The following SAMD3 variants were observed in gnomAD, a reference collection of about 807,000 sequenced individuals.
SAMD3 encodes sterile alpha motif domain-containing protein 3.
A neutral mutation model predicts 58.5 loss-of-function variants in SAMD3; 63 were observed. The observed-to-expected ratio is 1.08, with a 90% CI of 0.88 to 1.33. The LOEUF is 1.33. SAMD3 is among the 40% of genes most tolerant of loss of function. SAMD3 has a pLI of 0.00. For synonymous variants in SAMD3, 220 were observed against 210.3 expected, an observed-to-expected ratio of 1.05 and a Z score of -0.40; for missense variants, 604 against 608.4, an observed-to-expected ratio of 0.99 and a Z score of 0.08.
At chr6:130,230,990 A>G (rs1483985600) in intron 2 of SAMD3, among the ~76,000 whole-genome samples, 1 of 152,200 alleles carries the variant, frequency 6.6e-6, no homozygotes, top group Non-Finnish European at 1.5e-5. Flanking sequence ...TGTTCTGTTC[A>G]ACAGTGCTAT....
intron 7 of SAMD3, among the ~76,000 whole-genome samples, chr6:130,178,334 T>A (rs150392904): frequency 0.018 from 2,705 of 149,678 alleles, 33 homozygotes; most frequent in Non-Finnish European, 0.026. Context: ...TCTTCTCCGC[T>A]GCAATGCCGT....
chr6:130,173,753 C>A (rs1791456556), intron 8 of SAMD3, among the ~76,000 whole-genome samples: 1 of 152,208 alleles, frequency 6.6e-6, no homozygotes, highest in Admixed American at 6.5e-5. Context: ...CTCTTCAGAG[C>A]CAGCAGGCAG....
intron 5 of SAMD3, among the ~76,000 whole-genome samples, chr6:130,202,269 A>G (rs1487426304): frequency 1.3e-5 from 2 of 152,122 alleles, no homozygotes; most frequent in Non-Finnish European, 2.9e-5. Flanking sequence ...CTGAAACAGA[A>G]CCCTCCTGTA....
chr6:130,361,106 T>C (rs1777974571), intron 1 of SAMD3, among the ~76,000 whole-genome samples: 2 of 152,048 alleles, frequency 1.3e-5, no homozygotes, highest in East Asian at 1.9e-4. Context: ...ACATATATCC[T>C]CCTCAGCTTA....
At chr6:130,354,584 AATATCAC>A (rs1777772200) in intron 1 of SAMD3, among the ~76,000 whole-genome samples, 1 of 152,214 alleles carries the variant, frequency 6.6e-6, no homozygotes, top group Non-Finnish European at 1.5e-5. Flanking sequence ...CAGAAAACCA[AATATCAC>A]ATGTTCTCAC....
chr6:130,337,551 G>T (rs11752869), intron 1 of SAMD3, among the ~76,000 whole-genome samples: 6 of 152,198 alleles, frequency 3.9e-5, no homozygotes, highest in Non-Finnish European at 8.8e-5. Flanking sequence ...TTGGGTAATA[G>T]GCAGAGGTAG....
At chr6:130,147,889 T>C (rs1300739057) in intron 9 of SAMD3, among the ~76,000 whole-genome samples, 3 of 152,234 alleles carry the variant, frequency 2.0e-5, no homozygotes, top group Admixed American at 2.0e-4. Flanking sequence ...TTTTATGATA[T>C]TTCAAGATTT....
chr6:130,314,428 T>TA (rs1322518974), intron 1 of SAMD3, among the ~76,000 whole-genome samples: 1 of 152,204 alleles, frequency 6.6e-6, no homozygotes, highest in Non-Finnish European at 1.5e-5. Flanking sequence ...CTTAAAAACA[T>TA]AGAGATTACA....
chr6:130,318,334 T>C (rs1776460793), intron 1 of SAMD3, among the ~76,000 whole-genome samples: 1 of 152,120 alleles, frequency 6.6e-6, no homozygotes, highest in Admixed American at 6.5e-5. Flanking sequence ...CTATCTCCCA[T>C]AACAAAGCTC....
intron 2 of SAMD3, among the ~76,000 whole-genome samples, chr6:130,297,368 G>T (rs1583066110): frequency 6.6e-6 from 1 of 151,964 alleles, no homozygotes; most frequent in South Asian, 2.1e-4. Flanking sequence ...AGAGAAAAAA[G>T]AATTTAAAAA....
At chr6:130,256,939 AGT>A in intron 2 of SAMD3, among the ~76,000 whole-genome samples, 1 of 152,312 alleles carries the variant, frequency 6.6e-6, no homozygotes, top group African/African-American at 2.4e-5. Context: ...TTTTGGAAAT[AGT>A]TGCTGTGTAA....
At chr6:130,260,006 T>G (rs1042685474) in intron 2 of SAMD3, among the ~76,000 whole-genome samples, 2 of 152,240 alleles carry the variant, frequency 1.3e-5, no homozygotes, top group Admixed American at 1.3e-4. Context: ...TTCTTCAGTT[T>G]TTTGGCCATT....
At chr6:130,335,309 T>C (rs111639422) in intron 1 of SAMD3, among the ~76,000 whole-genome samples, 5 of 152,330 alleles carry the variant, frequency 3.3e-5, no homozygotes, top group African/African-American at 1.2e-4. Context: ...CCAATGTATA[T>C]GACTTGTCGC....
intron 2 of SAMD3, chr6:130,215,727 A>C (rs957908708): frequency 6.7e-7 from 1 of 1,484,908 alleles, no homozygotes; most frequent in Admixed American, 2.1e-5. Flanking sequence ...AGAGGAAGGG[A>C]GGAAGGATCA....
intron 1 of SAMD3, among the ~76,000 whole-genome samples, chr6:130,322,493 C>T (rs1302249865): frequency 1.3e-5 from 2 of 152,068 alleles, no homozygotes; most frequent in African/African-American, 2.4e-5. Context: ...TTGTAGTAGC[C>T]GGGCATGGTG....
intron 7 of SAMD3, among the ~76,000 whole-genome samples, chr6:130,179,232 A>G (rs908453292): frequency 3.3e-5 from 5 of 152,348 alleles, no homozygotes; most frequent in Non-Finnish European, 7.3e-5. Flanking sequence ...TGAGTATTCA[A>G]TCAATGAATA....
intron 2 of SAMD3, among the ~76,000 whole-genome samples, chr6:130,287,432 G>A (rs1466754822): frequency 6.6e-6 from 1 of 152,116 alleles, no homozygotes; most frequent in Admixed American, 6.5e-5. Context: ...GGAACAAAAA[G>A]GGGAAAAGCA....
intron 1 of SAMD3, among the ~76,000 whole-genome samples, chr6:130,344,412 C>T (rs1051199773): frequency 2.0e-5 from 3 of 152,100 alleles, no homozygotes; most frequent in Non-Finnish European, 2.9e-5. Flanking sequence ...GACAGAGTCT[C>T]GCTCTGTCGC....
At chr6:130,227,138 C>T (rs1796402945), upstream of SAMD3, among the ~76,000 whole-genome samples, 1 of 152,160 alleles carries the variant, frequency 6.6e-6, no homozygotes, top group Admixed American at 6.5e-5. Flanking sequence ...ACCCTGCAGC[C>T]CTAGTCCCTG....
Sources: allele counts gnomAD v4.1 joint callset (sites outside exome capture counted in the v4.1 genomes callset), GRCh38; gene constraint gnomAD v4.1.1; transcripts MANE v1.5; gene names NCBI Gene and HGNC (gene_info 2026-07-23, HGNC 2026-07-21).